Variants in KIFC2 observed in about 807,000 individuals in gnomAD.
KIFC2 encodes kinesin family member C2.
A neutral mutation model predicts 91.5 loss-of-function variants in KIFC2; 94 were observed. The observed-to-expected ratio is 1.03, with a 90% CI of 0.87 to 1.22. The LOEUF is 1.22. KIFC2 is among the 50% of genes most tolerant of loss of function. The pLI is 0.00. For synonymous variants in KIFC2, 729 were observed against 503.9 expected (o/e 1.45, Z -5.98); for missense variants, 1,357 against 1,103.3 (o/e 1.23, Z -3.26).
At position 144,467,276 on chromosome 8, in the gene KIFC2, G is replaced by T; in HGVS notation, c.404G>T (p.Arg135Met). ...CTTCTGGCATGGCTTCGAAGCCCCA[G>T]GGGGAGGCAGGCCCTGCTCCAGGGG... ...LALLAWLRSP[R>M]GRQALLQGTQ... Residue 135 changes from arginine (R) to methionine (M), a missense_variant, in exon 4 of 18, where the codon AGG becomes ATG. Physicochemically the swap from Arg to Met is moderately conservative, Grantham distance 91. Transcript: ENST00000645548. 6.2e-7 allele frequency: 1 copy of T among 1,613,426 alleles called. No individual in the cohort carries two copies. Among genetic ancestry groups the T allele is most frequent in the South Asian group, 1.1e-5 (1 of 91,082 alleles).
At position 144,472,907 on chromosome 8, in the gene KIFC2, C is replaced by G; in HGVS notation, c.1974C>G (p.Thr658=). Residue 658 remains threonine (T), a synonymous_variant, in exon 17 of 18, where the codon ACC becomes ACG. Transcript: ENST00000645548. The part of the protein sequence containing the change: ...DGARRLREAQ[T]INRSLLALGG... ...CCCGGCGCCTGCGGGAGGCCCAGAC[C>G]ATAAACCGCTCGCTGCTGGCGCTAG... The G allele has an allele frequency of 1.3e-6, 2 of 1,503,922 alleles. No individual in the cohort carries two copies. Among genetic ancestry groups the G allele is most frequent in the South Asian group, 1.3e-5 (1 of 78,558 alleles). The allele number at this position is 1,503,922 out of a possible 1,614,324, so 93.2% of individuals were successfully genotyped here. A position where few individuals can be genotyped will look rare whatever the true frequency, so the allele number is the denominator to read the frequency against.
In KIFC2 at chr8:144,466,449, C is replaced by T. The variant is rs546070472; in HGVS notation, c.30C>T (p.Tyr10=). Residue 10 remains tyrosine, a synonymous_variant, in exon 1 of 18, where the codon TAC becomes TAT. Coordinates refer to ENST00000645548, the MANE Select transcript of KIFC2 (RefSeq NM_001369769.2). The part of the protein sequence containing the change: MYAFYSLLI[Y]IFYSLFRRDG... ...ACGCCTTTTACTCGTTGCTCATCTACATCTTCTACAGCCTCTTCCGCAGGG... is the reference window on the plus strand; with the variant it reads ...ACGCCTTTTACTCGTTGCTCATCTATATCTTCTACAGCCTCTTCCGCAGGG... The T allele has an allele frequency of 9.5e-6, 13 of 1,367,842 alleles. No individual in the cohort carries two copies. Among genetic ancestry groups the T allele is most frequent in the East Asian group, 3.4e-5 (1 of 29,706 alleles). 84.7% of individuals were successfully genotyped at this position (1,367,842 alleles called of 1,614,324 possible).
rs766484115 is a variant in KIFC2 at position 144,472,160 on chromosome 8, T to G, written c.1508T>G (p.Ile503Arg). 9 of 1,613,166 alleles carry G rather than the reference T, an allele frequency of 5.6e-6. No homozygotes were observed. Among genetic ancestry groups the G allele is most frequent in the Non-Finnish European group, 6.8e-6 (8 of 1,179,964 alleles). The change falls in exon 14 of 18, where the codon ATA becomes AGA. Residue 503 changes from isoleucine to arginine, a missense_variant. Ile to Arg is a moderately conservative substitution (Grantham distance 97, BLOSUM62 -3). Coordinates refer to ENST00000645548, the MANE Select transcript of KIFC2 (RefSeq NM_001369769.2). ...CAGGGCCCTCCTGAGGACCCCGGCATAGTTCCTAGGGCGCTGCAGTCGCTG... is the reference window on the plus strand; with the variant it reads ...CAGGGCCCTCCTGAGGACCCCGGCAGAGTTCCTAGGGCGCTGCAGTCGCTG... ...SMEGPPEDPG[I>R]VPRALQSLFR...
chr8:144,469,761 G>A, intron 12 of KIFC2, 114 bp downstream of exon 12: 2 of 1,341,782 alleles, frequency 1.5e-6, no homozygotes, highest in Non-Finnish European at 2.0e-6. Flanking sequence ...AGAGAGGGTG[G>A]CTGGGCTCTA....
At chr8:144,468,174 A>G in intron 7 of KIFC2, 155 bp from the exon 8 acceptor site, 1 of 1,020,416 alleles carries the variant, frequency 9.8e-7, no homozygotes, top group Non-Finnish European at 1.4e-6. Flanking sequence ...TGACCCCAGG[A>G]GAGCAGAGGG....
chr8:144,466,334 AC>A (rs1824634067), upstream of KIFC2: 1 of 388,276 alleles, frequency 2.6e-6, no homozygotes, highest in Non-Finnish European at 3.9e-6. Flanking sequence ...GAGCATGCGC[AC>A]CGGCACTGCG....
chr8:144,469,348 C>T lies in KIFC2; in HGVS notation c.1191C>T (p.Ala397=), dbSNP rs200827672. Residue 397 remains alanine (A), a synonymous_variant, in exon 11 of 18, where the codon GCC becomes GCT. Transcript: ENST00000645548. ...QLPEGQQGPP[A]GCPGRLPELK... ...CTGAGGGGCAGCAAGGGCCCCCAGCCGGATGCCCAGGGCGGCTGCCAGAAC... is the reference window on the plus strand; with the variant it reads ...CTGAGGGGCAGCAAGGGCCCCCAGCTGGATGCCCAGGGCGGCTGCCAGAAC... The T allele has an allele frequency of 6.0e-5, 97 of 1,609,452 alleles. No individual in the cohort carries two copies. In the African/African-American group the frequency reaches 8.1e-4, roughly 14 times the overall value.
chr8:144,472,226 T>G lies in KIFC2; in HGVS notation c.1574T>G (p.Leu525Arg). 1 of 1,612,610 alleles carries G rather than the reference T, an allele frequency of 6.2e-7. No individual in the cohort carries two copies. The highest frequency in any genetic ancestry group is 8.5e-7 in the Non-Finnish European group (1 of 1,179,734). Reference sequence around the variant, plus strand: ...GCCGGCCGGCAGCACCGGGTGACACTCAGCATGGTGGAGATCTACAATGAG... The same window carrying G: ...GCCGGCCGGCAGCACCGGGTGACACGCAGCATGGTGGAGATCTACAATGAG... ...MGAGRQHRVT[L>R]SMVEIYNEAV... is the part of the protein sequence containing the mutation. Residue 525 changes from leucine (L) to arginine (R), a missense_variant, in exon 14 of 18, where the codon CTC (leucine) becomes CGC (arginine). By Grantham distance (102) the Leu-to-Arg change is moderately radical. Transcript: ENST00000645548.
Position 144,469,340 on chromosome 8 carries a change from C to T in KIFC2, c.1183C>T (p.Pro395Ser), listed in dbSNP as rs975482498. 5 of 1,608,648 alleles carry T rather than the reference C, an allele frequency of 3.1e-6. No individual in the cohort carries two copies. The highest frequency in any genetic ancestry group is 3.4e-6 in the Non-Finnish European group (4 of 1,178,600). ...TCAGCTCCCTGAGGGGCAGCAAGGG[C>T]CCCCAGCCGGATGCCCAGGGCGGCT... ...GTQLPEGQQG[P>S]PAGCPGRLPE... Residue 395 changes from proline (P) to serine (S), a missense_variant, in exon 11 of 18, where the codon CCC (proline) becomes TCC (serine). Coordinates refer to ENST00000645548, the MANE Select transcript of KIFC2 (RefSeq NM_001369769.2).
Position 144,473,719 on chromosome 8 carries a change from A to G in KIFC2, c.*330A>G. 2.4e-6 allele frequency: 1 copy of G among 417,726 alleles called. No individual in the cohort carries two copies. The highest frequency in any genetic ancestry group is 4.2e-6 in the Non-Finnish European group (1 of 235,930). The allele number at this position is 417,726 out of a possible 1,614,324, so 25.9% of individuals were successfully genotyped here. On this transcript the variant is annotated 3_prime_UTR_variant, in exon 18 of 18. Transcript: ENST00000645548. ...CCAAGTCACCACTCCTGACCCAAAAATCAGGCATGGCATTAAAACGTTGCA... is the reference window on the plus strand; with the variant it reads ...CCAAGTCACCACTCCTGACCCAAAAGTCAGGCATGGCATTAAAACGTTGCA...
In KIFC2 at chr8:144,468,368, CA is replaced by C; in HGVS notation, c.851del (p.Gln284ArgfsTer82). 1 of 1,612,958 alleles carries C rather than the reference CA, an allele frequency of 6.2e-7. No individual in the cohort carries two copies. Among genetic ancestry groups the C allele is most frequent in the Non-Finnish European group, 8.5e-7 (1 of 1,179,854 alleles). On this transcript the variant is annotated frameshift_variant, in exon 8 of 18. Coordinates refer to ENST00000645548, the MANE Select transcript of KIFC2 (RefSeq NM_001369769.2). LOFTEE classifies it high-confidence loss of function. ...EALLELQGRL[Q>X]EAQDTTEALR... ...ATTGCTAGAGCTCCAGGGCCGGCTTCAGGAGGCCCAAGACACCACAGAAGCC... is the reference window on the plus strand; with the variant it reads ...ATTGCTAGAGCTCCAGGGCCGGCTTCGGAGGCCCAAGACACCACAGAAGCC...
Position 144,467,601 on chromosome 8 carries a change from C to T in KIFC2, c.586C>T (p.Gln196Ter). Residue 196 changes from glutamine (Q) to a stop codon, truncating the protein, a stop_gained, in exon 5 of 18, where the codon CAG becomes TAG. Coordinates refer to ENST00000645548, the MANE Select transcript of KIFC2 (RefSeq NM_001369769.2). LOFTEE classifies it high-confidence loss of function. ...GTTGGAGGAGGATCAGAGGGCGTGG[C>T]AGCGGCTGGAGCAGCTCATCCTGGG... ...LQLEEDQRAW[Q>*]RLEQLILGQL... 1 of 1,598,078 alleles carries T rather than the reference C, an allele frequency of 6.3e-7. No individual in the cohort carries two copies. The highest frequency in any genetic ancestry group is 8.5e-7 in the Non-Finnish European group (1 of 1,171,814).
In KIFC2 at chr8:144,472,223, C is replaced by T; in HGVS notation, c.1571C>T (p.Thr524Ile). 1 of 1,613,062 alleles carries T rather than the reference C, an allele frequency of 6.2e-7. No individual in the cohort carries two copies. Among genetic ancestry groups the T allele is most frequent in the Non-Finnish European group, 8.5e-7 (1 of 1,179,864 alleles). ...EMGAGRQHRV[T>I]LSMVEIYNEA... ...GGGGCCGGCCGGCAGCACCGGGTGA[C>T]ACTCAGCATGGTGGAGATCTACAAT... The change falls in exon 14 of 18, where the codon ACA (threonine) becomes ATA (isoleucine). Residue 524 changes from threonine to isoleucine, a missense_variant. Transcript: ENST00000645548.
At chr8:144,466,162 C>T, upstream of KIFC2, 1 of 167,318 alleles carries the variant, frequency 6.0e-6, no homozygotes, top group Non-Finnish European at 1.3e-5. Flanking sequence ...GAGCCGTGGG[C>T]GCTCTCAGCC....
intron 1 of KIFC2, 89 bp downstream of exon 1, chr8:144,466,607 C>T (rs1824649384): frequency 4.6e-6 from 4 of 861,886 alleles, no homozygotes; most frequent in South Asian, 9.2e-5. Context: ...GGGCACGGGG[C>T]GCGGGGCGAC....
Position 144,473,971 on chromosome 8 carries a change from A to G in KIFC2, c.*582A>G. 1 of 530,310 alleles carries G rather than the reference A, an allele frequency of 1.9e-6. No homozygotes were observed. Among genetic ancestry groups the G allele is most frequent in the Non-Finnish European group, 3.3e-6 (1 of 299,386 alleles). 32.9% of individuals were successfully genotyped at this position (530,310 alleles called of 1,614,324 possible). ...GGTAGTGGGCTGAGAAGAGGGGACT[A>G]GGAAGGGCTATTCCAGGCTCAGCCC... On this transcript the variant is annotated 3_prime_UTR_variant, in exon 18 of 18. Transcript: ENST00000645548.
Position 144,473,716 on chromosome 8 carries a change from A to C in KIFC2, c.*327A>C. 1 of 451,294 alleles carries C rather than the reference A, an allele frequency of 2.2e-6. No individual in the cohort carries two copies. The highest frequency in any genetic ancestry group is 3.9e-6 in the Non-Finnish European group (1 of 257,264). 28.0% of individuals were successfully genotyped at this position (451,294 alleles called of 1,614,324 possible). On this transcript the variant is annotated 3_prime_UTR_variant, in exon 18 of 18. Transcript: ENST00000645548. Reference sequence around the variant, plus strand: ...TACCCAAGTCACCACTCCTGACCCAAAAATCAGGCATGGCATTAAAACGTT... The same window carrying C: ...TACCCAAGTCACCACTCCTGACCCACAAATCAGGCATGGCATTAAAACGTT...
chr8:144,470,524 C>A (rs554915594), intron 12 of KIFC2: 2 of 152,412 alleles, frequency 1.3e-5, no homozygotes, highest in African/African-American at 4.8e-5. Context: ...AATCATGGAA[C>A]CTCAGTGACC....
intron 11 of KIFC2, 29 bp downstream of exon 11, chr8:144,469,408 C>G: frequency 6.2e-7 from 1 of 1,611,558 alleles, no homozygotes. Context: ...CCTAGCGGGG[C>G]AGGGAGGGCG....
Sources: allele counts gnomAD v4.1 joint callset, GRCh38; gene constraint gnomAD v4.1.1; transcripts MANE v1.5; gene names NCBI Gene and HGNC (gene_info 2026-07-23, HGNC 2026-07-21).